Variants in METTL24 observed in about 807,000 individuals in gnomAD.
METTL24 encodes the protein methyltransferase like 24, also known as probable methyltransferase-like protein 24.
METTL24 carries 29 observed loss-of-function variants against 32.7 expected under a neutral mutation model. That is an observed-to-expected ratio of 0.89 (90% CI 0.66 to 1.21). The LOEUF (loss-of-function observed/expected upper bound fraction) is 1.21, where lower values mean the gene tolerates loss of function less well. Among genes scored for constraint, METTL24 ranks in the 50% most tolerant of loss-of-function variants. METTL24 has a pLI of 0.00. For missense variants in METTL24, 439 were observed against 468.1 expected, an observed-to-expected ratio of 0.94 and a Z score of 0.57; for synonymous variants, 163 against 179.5, an observed-to-expected ratio of 0.91 and a Z score of 0.73.
At chr6:110,348,939 T>G (rs1030906529) in intron 1 of METTL24, among the ~76,000 whole-genome samples, 2 of 152,236 alleles carry the variant, frequency 1.3e-5, no homozygotes, top group African/African-American at 4.8e-5. Flanking sequence ...CAGCACTGTT[T>G]GTAAGATGTA....
intron 1 of METTL24, among the ~76,000 whole-genome samples, chr6:110,324,655 C>A (rs371118800): frequency 6.6e-6 from 1 of 152,218 alleles, no homozygotes; most frequent in Non-Finnish European, 1.5e-5. Flanking sequence ...TCTGAAAGAA[C>A]AGCCTTTTCT....
At chr6:110,290,501 G>A (rs1771299377) in intron 4 of METTL24, among the ~76,000 whole-genome samples, 1 of 152,178 alleles carries the variant, frequency 6.6e-6, no homozygotes. Flanking sequence ...TGTGTAGTAT[G>A]TGTCACAAAG....
At chr6:110,350,080 GTGAAGCC>G (rs1266358875) in intron 1 of METTL24, among the ~76,000 whole-genome samples, 1 of 152,188 alleles carries the variant, frequency 6.6e-6, no homozygotes, top group African/African-American at 2.4e-5. Context: ...TGTCTAAATG[GTGAAGCC>G]TAGGTCACAT....
intron 4 of METTL24, among the ~76,000 whole-genome samples, chr6:110,264,017 C>T (rs186068873): frequency 0.028 from 4,218 of 152,100 alleles, 225 homozygotes; most frequent in African/African-American, 0.095. Flanking sequence ...CCATAAAAAC[C>T]CTAGAAGAAA....
chr6:110,292,710 AT>A (rs1246019184), intron 4 of METTL24, among the ~76,000 whole-genome samples: 6 of 151,370 alleles, frequency 4.0e-5, no homozygotes, highest in Non-Finnish European at 8.9e-5. Flanking sequence ...TAACTCCAGA[AT>A]TTTTTTTTAA....
At chr6:110,271,077 C>A (rs2114708947) in intron 4 of METTL24, among the ~76,000 whole-genome samples, 1 of 150,962 alleles carries the variant, frequency 6.6e-6, no homozygotes, top group East Asian at 2.0e-4. Flanking sequence ...CCAGGCTGGT[C>A]TCGAACTCCT....
At chr6:110,313,254 T>TTG (rs1771757711) in intron 3 of METTL24, among the ~76,000 whole-genome samples, 2 of 152,238 alleles carry the variant, frequency 1.3e-5, no homozygotes, top group African/African-American at 4.8e-5. Context: ...CACATAGACA[T>TTG]GATCAATGCT....
intron 4 of METTL24, among the ~76,000 whole-genome samples, chr6:110,251,162 AG>A (rs1778271227): frequency 1.3e-5 from 2 of 152,224 alleles, no homozygotes; most frequent in Admixed American, 1.3e-4. Flanking sequence ...CCTTGAGAGG[AG>A]GAGTGGCATA....
At chr6:110,302,158 G>T (rs1771527698) in intron 3 of METTL24, among the ~76,000 whole-genome samples, 1 of 151,696 alleles carries the variant, frequency 6.6e-6, no homozygotes, top group Non-Finnish European at 1.5e-5. Context: ...GGCGCCTGTA[G>T]TCCTAGCTAC....
At chr6:110,312,385 AG>A (rs1771738256) in intron 3 of METTL24, among the ~76,000 whole-genome samples, 1 of 152,234 alleles carries the variant, frequency 6.6e-6, no homozygotes, top group African/African-American at 2.4e-5. Flanking sequence ...AGTATATCAA[AG>A]GGATGCCTGC....
At chr6:110,275,881 C>T (rs1338887155) in intron 4 of METTL24, among the ~76,000 whole-genome samples, 1 of 152,206 alleles carries the variant, frequency 6.6e-6, no homozygotes, top group East Asian at 1.9e-4. Flanking sequence ...TGAACCTCTG[C>T]AGACAGACAT....
chr6:110,252,267 C>G (rs1778295110), intron 4 of METTL24, among the ~76,000 whole-genome samples: 1 of 152,162 alleles, frequency 6.6e-6, no homozygotes, highest in Non-Finnish European at 1.5e-5. Flanking sequence ...TTTTCTCCAC[C>G]TTTGGAGGCT....
chr6:110,302,422 T>C (rs868801581), intron 3 of METTL24, among the ~76,000 whole-genome samples: 6 of 147,264 alleles, frequency 4.1e-5, no homozygotes, highest in African/African-American at 1.3e-4. Context: ...TATATACACA[T>C]ATACACACAC....
chr6:110,319,424 G>GATAA (rs1771889572), intron 2 of METTL24, among the ~76,000 whole-genome samples: 1 of 147,266 alleles, frequency 6.8e-6, no homozygotes, highest in South Asian at 2.1e-4. Context: ...GGTAGAGATA[G>GATAA]ATAGATAGAT....
At chr6:110,332,872 G>A (rs1165306410) in intron 1 of METTL24, among the ~76,000 whole-genome samples, 2 of 150,284 alleles carry the variant, frequency 1.3e-5, no homozygotes, top group Admixed American at 6.6e-5. Flanking sequence ...TTGCAACACT[G>A]CACTCTAGCC....
intron 4 of METTL24, among the ~76,000 whole-genome samples, chr6:110,271,986 G>A (rs1452435077): frequency 2.0e-5 from 3 of 151,894 alleles, no homozygotes; most frequent in African/African-American, 7.3e-5. Context: ...ATTCAACAGA[G>A]CTTTATTATT....
At chr6:110,343,634 G>T (rs1772407737) in intron 1 of METTL24, among the ~76,000 whole-genome samples, 1 of 152,208 alleles carries the variant, frequency 6.6e-6, no homozygotes, top group Non-Finnish European at 1.5e-5. Flanking sequence ...GGTGTTGAAG[G>T]CCTGAAAATG....
intron 4 of METTL24, among the ~76,000 whole-genome samples, chr6:110,278,376 A>G (rs1257776242): frequency 6.6e-6 from 1 of 152,202 alleles, no homozygotes; most frequent in Non-Finnish European, 1.5e-5. Context: ...TTGCATTAAA[A>G]TCTAGATTAG....
chr6:110,324,130 G>A (rs77573746), intron 1 of METTL24, among the ~76,000 whole-genome samples: 3,578 of 152,284 alleles, frequency 0.023, 157 homozygotes, highest in African/African-American at 0.082. Context: ...GAAGCCAGAC[G>A]GTCTGGGTTT....
Sources: gnomAD v4.1 joint callset for allele counts (sites outside exome capture counted in the v4.1 genomes callset) on GRCh38, gnomAD v4.1.1 for gene constraint, MANE v1.5 for transcripts, NCBI Gene and HGNC (gene_info 2026-07-23, HGNC 2026-07-21) for gene names.